Variants in PUDP observed in about 807,000 individuals in gnomAD.
The protein encoded by PUDP is pseudouridine-5'-phosphatase.
PUDP carries 8 observed loss-of-function variants against 9.4 expected under a neutral mutation model. That is an observed-to-expected ratio of 0.85 (90% confidence interval 0.50 to 1.53). The LOEUF (loss-of-function observed/expected upper bound fraction) is 1.53. PUDP is among the 40% of genes most tolerant of loss of function. The probability of loss-of-function intolerance (pLI) is 0.00; values close to 1 mark genes in which losing one functional copy is unlikely to be tolerated. For synonymous variants in PUDP, 99 were observed against 80.7 expected (o/e 1.23, Z -1.22); for missense variants, 188 against 189.7 (o/e 0.99, Z 0.05).
intron 3 of PUDP, among the ~76,000 whole-genome samples, chrX:6,742,568 A>C (rs1317183454): frequency 8.9e-6 from 1 of 112,171 alleles, no homozygotes; most frequent in Non-Finnish European, 1.9e-5. Flanking sequence ...TAGGAGTTCT[A>C]GACCAGCCTG....
At chrX:7,147,946 G>T in intron 1 of PUDP, 107 bp downstream of exon 1, 1 of 640,417 alleles carries the variant, frequency 1.6e-6, no homozygotes, top group Non-Finnish European at 2.4e-6. Flanking sequence ...GTCCCTGCAT[G>T]AACACCGCCC....
chrX:6,930,467 A>G (rs779472987), intron 3 of PUDP, among the ~76,000 whole-genome samples: 4 of 111,602 alleles, frequency 3.6e-5, no homozygotes, highest in Admixed American at 9.5e-5. Context: ...CACCAGCACC[A>G]TGACAATTTA....
At chrX:6,969,148 C>T (rs763448142) in intron 3 of PUDP, among the ~76,000 whole-genome samples, 3 of 112,644 alleles carry the variant, frequency 2.7e-5, no homozygotes, top group South Asian at 3.7e-4. Context: ...TATGTGAGCA[C>T]GGTGGGTGTG....
In PUDP at chrX:7,077,378, C is replaced by G; in HGVS notation, c.352G>C (p.Ala118Pro). ...PFALATSSGSASFDMKTSRHK... is the reference protein window; with the variant it reads ...PFALATSSGSPSFDMKTSRHK... ...CGGCTTGTCTTCATATCGAACGACG[C>G]GGACCCCGAGCTGGTGGCCAGTGCA... The change falls in exon 3 of 4, where the codon GCG becomes CCG. Residue 118 changes from alanine to proline, a missense_variant. Transcript: ENST00000381077. 1 of 1,210,855 alleles carries G rather than the reference C, an allele frequency of 8.3e-7. No homozygotes were observed. Among genetic ancestry groups the G allele is most frequent in the East Asian group, 3.0e-5 (1 of 33,783 alleles).
chrX:6,744,688 G>A (rs1353412512), intron 3 of PUDP, among the ~76,000 whole-genome samples: 1 of 111,223 alleles, frequency 9.0e-6, no homozygotes, highest in Non-Finnish European at 1.9e-5. Flanking sequence ...GTATTTCCCA[G>A]GGGGGCGAAA....
intron 2 of PUDP, among the ~76,000 whole-genome samples, chrX:7,100,449 C>G (rs1251099229): frequency 8.9e-6 from 1 of 112,197 alleles, no homozygotes; most frequent in Non-Finnish European, 1.9e-5. Flanking sequence ...AGACAGCTTT[C>G]TTTTCTAAAG....
intron 3 of PUDP, among the ~76,000 whole-genome samples, chrX:6,750,892 C>G (rs1407877420): frequency 9.0e-6 from 1 of 111,446 alleles, no homozygotes; most frequent in Non-Finnish European, 1.9e-5. Flanking sequence ...CCAATCCCAG[C>G]ACTTTGGGAG....
intron 3 of PUDP, among the ~76,000 whole-genome samples, chrX:6,733,054 G>C (rs7059128): frequency 0.19 from 21,064 of 111,786 alleles, 1,613 homozygotes; most frequent in Non-Finnish European, 0.21. Flanking sequence ...AGGGTGATGA[G>C]AAGGGGCATG....
chrX:6,964,506 C>G (rs1157378856), intron 3 of PUDP, among the ~76,000 whole-genome samples: 1 of 110,232 alleles, frequency 9.1e-6, no homozygotes, highest in Non-Finnish European at 1.9e-5. Context: ...GACTCTGTCT[C>G]TACAAAAAAT....
chrX:7,065,281 C>A (rs917808883), intron 3 of PUDP, among the ~76,000 whole-genome samples: 1 of 112,520 alleles, frequency 8.9e-6, no homozygotes, highest in African/African-American at 3.2e-5. Context: ...GTAATCAGAT[C>A]CCTTCAAAAA....
chrX:6,780,783 G>A (rs1266113616), intron 3 of PUDP, among the ~76,000 whole-genome samples: 1 of 110,852 alleles, frequency 9.0e-6, no homozygotes, highest in Non-Finnish European at 1.9e-5. Flanking sequence ...CAGGCCGGGT[G>A]CAGTGCCTCA....
intron 3 of PUDP, among the ~76,000 whole-genome samples, chrX:6,953,530 A>G (rs758813629): frequency 2.0e-4 from 22 of 110,755 alleles, no homozygotes; most frequent in Non-Finnish European, 3.8e-4. Flanking sequence ...GCCATAGGGA[A>G]AGAGAGGAAG....
intron 3 of PUDP, among the ~76,000 whole-genome samples, chrX:6,735,706 A>G (rs777889209): frequency 9.0e-6 from 1 of 111,116 alleles, no homozygotes; most frequent in South Asian, 3.9e-4. Context: ...TTAATCTTTT[A>G]ATCTGTTCCA....
At chrX:7,098,864 AAGAGATGCAGGGGAGAGCCG>A (rs1569159433) in intron 2 of PUDP, among the ~76,000 whole-genome samples, 19 of 111,416 alleles carry the variant, frequency 1.7e-4, no homozygotes, top group South Asian at 3.8e-4. Context: ...AGAGCCGGCC[AAGAGATGCAGGGGAGAGCCG>A]GCCAAGAGAT....
At chrX:6,737,167 G>T (rs184964223) in intron 3 of PUDP, among the ~76,000 whole-genome samples, 1 of 111,108 alleles carries the variant, frequency 9.0e-6, no homozygotes, top group East Asian at 2.9e-4. Flanking sequence ...ACCAAAAGCT[G>T]CACGAGATAA....
chrX:6,756,808 G>T (rs1330183181), intron 3 of PUDP, among the ~76,000 whole-genome samples: 4 of 112,087 alleles, frequency 3.6e-5, no homozygotes, highest in Non-Finnish European at 7.5e-5. Flanking sequence ...AAATTCAGAA[G>T]ACATGGCAAG....
intron 3 of PUDP, among the ~76,000 whole-genome samples, chrX:7,068,001 TTG>T (rs1218519232): frequency 9.0e-6 from 1 of 111,694 alleles, no homozygotes; most frequent in East Asian, 2.8e-4. Flanking sequence ...TCCGCCATGA[TTG>T]TGAGGCCTCC....
At chrX:7,094,337 A>C (rs1931507073) in intron 2 of PUDP, among the ~76,000 whole-genome samples, 1 of 106,153 alleles carries the variant, frequency 9.4e-6, no homozygotes, top group African/African-American at 3.5e-5. Flanking sequence ...GTCCATATAC[A>C]TCATTGAATA....
chrX:6,751,490 C>G (rs963420389), intron 3 of PUDP, among the ~76,000 whole-genome samples: 7 of 111,571 alleles, frequency 6.3e-5, no homozygotes, highest in African/African-American at 6.5e-5. Context: ...TAGTAAACAC[C>G]CTGTTCATCA....
Sources: allele counts gnomAD v4.1 joint callset (sites outside exome capture counted in the v4.1 genomes callset), GRCh38; gene constraint gnomAD v4.1.1; transcripts MANE v1.5; gene names NCBI Gene and HGNC (gene_info 2026-07-23, HGNC 2026-07-21).